The following NTM variants were observed in gnomAD, a reference collection of about 807,000 sequenced individuals.
NTM encodes neurotrimin.
A neutral mutation model predicts 42.1 loss-of-function variants in NTM; 13 were observed. The observed-to-expected ratio is 0.31, with a 90% CI of 0.20 to 0.49. The LOEUF (loss-of-function observed/expected upper bound fraction) is 0.49, where lower values mean the gene tolerates loss of function less well. Among genes scored for constraint, NTM ranks in the 20% least tolerant of loss-of-function variants. The pLI, the probability that NTM is intolerant of heterozygous loss-of-function variation, is 0.99. For missense variants in NTM, 373 were observed against 452.8 expected (o/e 0.82, Z 1.60); for synonymous variants, 187 against 179.2 (o/e 1.04, Z -0.35).
chr11:131,461,272 G>C (rs1361940311), intron 1 of NTM, among the ~76,000 whole-genome samples: 1 of 152,212 alleles, frequency 6.6e-6, no homozygotes, highest in Non-Finnish European at 1.5e-5. Context: ...TTGCAAAGTA[G>C]AATGTCTACT....
At chr11:131,421,975 T>A (rs1467671978) in intron 1 of NTM, among the ~76,000 whole-genome samples, 2 of 152,148 alleles carry the variant, frequency 1.3e-5, no homozygotes, top group Non-Finnish European at 2.9e-5. Flanking sequence ...GTCCTGTGAG[T>A]AGGCAGTGGT....
At chr11:132,125,896 G>A (rs997827745) in intron 2 of NTM, among the ~76,000 whole-genome samples, 6 of 122,120 alleles carry the variant, frequency 4.9e-5, no homozygotes, top group African/African-American at 1.5e-4. Context: ...GTGTGTGTGC[G>A]TGCATGTGTT....
At chr11:131,555,872 C>T (rs923571240) in intron 1 of NTM, among the ~76,000 whole-genome samples, 6 of 151,998 alleles carry the variant, frequency 3.9e-5, no homozygotes, top group African/African-American at 7.3e-5. Context: ...TCCTAAATGC[C>T]GAGGAGTGAT....
chr11:132,215,549 C>T (rs1283831911), intron 4 of NTM, among the ~76,000 whole-genome samples: 2 of 152,128 alleles, frequency 1.3e-5, no homozygotes, highest in South Asian at 2.1e-4. Context: ...CAGGTGGAAA[C>T]GGAGATGGAG....
At chr11:131,928,121 T>C (rs534316757) in intron 2 of NTM, among the ~76,000 whole-genome samples, 87 of 152,168 alleles carry the variant, frequency 5.7e-4, no homozygotes, top group African/African-American at 2.0e-3. Context: ...ATCACCATAA[T>C]ATTAATAATA....
At chr11:131,569,864 G>A (rs2137075719) in intron 1 of NTM, among the ~76,000 whole-genome samples, 1 of 152,270 alleles carries the variant, frequency 6.6e-6, no homozygotes, top group East Asian at 1.9e-4. Context: ...AATAGGCATA[G>A]GCCACCACGT....
At chr11:131,833,525 G>A (rs2043090822) in intron 1 of NTM, among the ~76,000 whole-genome samples, 1 of 152,202 alleles carries the variant, frequency 6.6e-6, no homozygotes, top group East Asian at 1.9e-4. Flanking sequence ...GACACTCATG[G>A]GGGAAGCCAC....
chr11:131,608,766 G>A (rs1714544335), intron 1 of NTM, among the ~76,000 whole-genome samples: 1 of 151,622 alleles, frequency 6.6e-6, no homozygotes, highest in Non-Finnish European at 1.5e-5. Context: ...CTCTTTAAAT[G>A]TGCCCTGTTT....
intron 3 of NTM, among the ~76,000 whole-genome samples, chr11:132,193,895 A>T (rs1185725997): frequency 6.6e-6 from 1 of 152,174 alleles, no homozygotes; most frequent in Non-Finnish European, 1.5e-5. Flanking sequence ...GGAAACCTAC[A>T]GCCTCCCAAG....
At chr11:132,180,823 T>C (rs1469850659) in intron 3 of NTM, among the ~76,000 whole-genome samples, 1 of 151,990 alleles carries the variant, frequency 6.6e-6, no homozygotes, top group East Asian at 1.9e-4. Context: ...GGCTCTCCCA[T>C]CAGATTTTCT....
chr11:131,775,375 A>G (rs2135954923), intron 1 of NTM, among the ~76,000 whole-genome samples: 1 of 152,342 alleles, frequency 6.6e-6, no homozygotes, highest in Non-Finnish European at 1.5e-5. Context: ...TCACTTGCTT[A>G]ACAAGGAAAA....
At chr11:131,688,272 G>C (rs2074192679) in intron 1 of NTM, among the ~76,000 whole-genome samples, 1 of 152,200 alleles carries the variant, frequency 6.6e-6, no homozygotes, top group African/African-American at 2.4e-5. Context: ...AGACAGGGGG[G>C]AAAGCAGCTT....
chr11:132,130,081 G>T (rs2066549634), intron 2 of NTM, among the ~76,000 whole-genome samples: 1 of 152,202 alleles, frequency 6.6e-6, no homozygotes, highest in Non-Finnish European at 1.5e-5. Flanking sequence ...AGTCTGTTAG[G>T]ACTTTGGGAG....
chr11:131,457,723 C>T (rs562321098), intron 1 of NTM, among the ~76,000 whole-genome samples: 1 of 151,760 alleles, frequency 6.6e-6, no homozygotes, highest in African/African-American at 2.4e-5. Flanking sequence ...TTTTGTCCTC[C>T]CCCCCCAAAT....
At chr11:132,090,625 G>A (rs2060266431) in intron 2 of NTM, among the ~76,000 whole-genome samples, 1 of 152,034 alleles carries the variant, frequency 6.6e-6, no homozygotes, top group African/African-American at 2.4e-5. Context: ...TGACCTCACT[G>A]GAACCTAAAG....
intron 8 of NTM, 97 bp downstream of exon 8, chr11:132,330,282 C>T: frequency 7.2e-7 from 1 of 1,394,330 alleles, no homozygotes; most frequent in Non-Finnish European, 9.8e-7. Flanking sequence ...GAGCTAACTC[C>T]AGGAAGCAGC....
chr11:131,890,082 C>T (rs2051037963), intron 1 of NTM, among the ~76,000 whole-genome samples: 1 of 152,032 alleles, frequency 6.6e-6, no homozygotes. Flanking sequence ...AAGGAAGGCA[C>T]CTGGCTACTT....
intron 1 of NTM, among the ~76,000 whole-genome samples, chr11:131,481,426 A>T (rs942369072): frequency 1.3e-5 from 2 of 152,204 alleles, no homozygotes; most frequent in African/African-American, 4.8e-5. Context: ...GTTTGGGAAG[A>T]CGCAAGGCCT....
At position 131,795,849 on chromosome 11, in the gene NTM, C is replaced by T. The variant is rs571497298; in HGVS notation, c.83-115715C>T. 12 of 985,098 alleles carry T rather than the reference C, an allele frequency of 1.2e-5. No individual in the cohort carries two copies. In the African/African-American group the frequency reaches 1.7e-4, roughly 14 times the overall value. 61.0% of individuals were successfully genotyped at this position (985,098 alleles called of 1,614,324 possible). A position where few individuals can be genotyped will look rare whatever the true frequency, so the allele number is the denominator to read the frequency against. The stretch of plus-strand genomic sequence containing the variant: ...GAATGCCTGCACCATGGCAAGAATG[C>T]ACAGGGTGCTCCTGAACCATAGAGA... On this transcript the variant is annotated intron_variant, in intron 1 of 8. Coordinates refer to ENST00000683400, the MANE Select transcript of NTM (RefSeq NM_001352005.2).
Sources: allele counts gnomAD v4.1 joint callset (sites outside exome capture counted in the v4.1 genomes callset), GRCh38; gene constraint gnomAD v4.1.1; transcripts MANE v1.5; gene names NCBI Gene and HGNC (gene_info 2026-07-23, HGNC 2026-07-21).